The following LIMCH1 variants were observed in gnomAD, a reference collection of about 807,000 sequenced individuals.
LIMCH1 encodes LIM and calponin homology domains-containing protein 1.
A neutral mutation model predicts 176.5 loss-of-function variants in LIMCH1; 113 were observed. The ratio of observed to expected loss-of-function variants is 0.64; its 90% CI spans 0.55 to 0.75. The LOEUF (loss-of-function observed/expected upper bound fraction) is 0.75. Among genes scored for constraint, LIMCH1 ranks in the 30% least tolerant of loss-of-function variants. The pLI, the probability that LIMCH1 is intolerant of heterozygous loss-of-function variation, is 0.00. For missense variants in LIMCH1, 1,674 were observed against 1,814.9 expected (o/e 0.92, Z 1.41); for synonymous variants, 619 against 645.9 (o/e 0.96, Z 0.63).
At chr4:41,585,482 T>G (rs1218133737) in intron 1 of LIMCH1, among the ~76,000 whole-genome samples, 3 of 152,226 alleles carry the variant, frequency 2.0e-5, no homozygotes, top group Non-Finnish European at 4.4e-5. Flanking sequence ...TTCCACATTT[T>G]GGCCATTATA....
intron 26 of LIMCH1, 52 bp downstream of exon 26, chr4:41,682,512 C>A (rs930856358): frequency 6.3e-7 from 1 of 1,581,354 alleles, no homozygotes; most frequent in Non-Finnish European, 8.6e-7. Context: ...GGGCTCTGCT[C>A]GTGCACGCTC....
intron 1 of LIMCH1, chr4:41,551,207 G>A (rs2080366139): frequency 6.6e-6 from 1 of 152,152 alleles, no homozygotes; most frequent in Non-Finnish European, 1.5e-5. Context: ...AATACAGATG[G>A]ACTGTGAGGG....
chr4:41,399,907 C>T (rs1167429859), intron 1 of LIMCH1, among the ~76,000 whole-genome samples: 4 of 143,704 alleles, frequency 2.8e-5, no homozygotes, highest in African/African-American at 1.1e-4. Flanking sequence ...TGGTCTTGAT[C>T]TCCTGACCTC....
At chr4:41,523,384 A>G (rs980089699) in intron 2 of LIMCH1, among the ~76,000 whole-genome samples, 1 of 152,160 alleles carries the variant, frequency 6.6e-6, no homozygotes, top group African/African-American at 2.4e-5. Context: ...ATGAATGAGG[A>G]TGGTTATATT....
intron 2 of LIMCH1, among the ~76,000 whole-genome samples, chr4:41,514,146 T>A (rs1311980841): frequency 1.3e-5 from 2 of 151,946 alleles, no homozygotes; most frequent in Admixed American, 1.3e-4. Context: ...TTTATAATGT[T>A]GCTCATTTCA....
chr4:41,391,555 A>G (rs2057244149), intron 1 of LIMCH1, among the ~76,000 whole-genome samples: 1 of 152,180 alleles, frequency 6.6e-6, no homozygotes, highest in South Asian at 2.1e-4. Flanking sequence ...CCACCTTATC[A>G]AGTATTCAAG....
chr4:41,555,130 C>T (rs985810913), intron 1 of LIMCH1, among the ~76,000 whole-genome samples: 15 of 151,426 alleles, frequency 9.9e-5, no homozygotes, highest in Non-Finnish European at 1.5e-4. Context: ...GAATAGTTAG[C>T]GGATGTGAAA....
chr4:41,402,063 C>T (rs1014907332), intron 1 of LIMCH1, among the ~76,000 whole-genome samples: 2 of 152,158 alleles, frequency 1.3e-5, no homozygotes, highest in African/African-American at 4.8e-5. Flanking sequence ...GAACTTCCAA[C>T]ACTAAGTTGA....
chr4:41,472,625 C>T, intron 1 of LIMCH1, among the ~76,000 whole-genome samples: 1 of 151,914 alleles, frequency 6.6e-6, no homozygotes, highest in East Asian at 1.9e-4. Flanking sequence ...TGCCATGTTG[C>T]CCAGGCTGGT....
intron 1 of LIMCH1, among the ~76,000 whole-genome samples, chr4:41,409,720 G>A (rs1334388511): frequency 6.6e-6 from 1 of 152,136 alleles, no homozygotes; most frequent in Non-Finnish European, 1.5e-5. Context: ...TCATTTGGAA[G>A]TCAACTCTTG....
chr4:41,670,937 A>G, intron 21 of LIMCH1: 1 of 1,387,264 alleles, frequency 7.2e-7, no homozygotes, highest in South Asian at 1.7e-5. Flanking sequence ...TAGTTCTTTT[A>G]TATTACTACC....
chr4:41,360,026 GGTGTGTGTGTGT>G (rs35179191), upstream of LIMCH1, among the ~76,000 whole-genome samples: 1,043 of 145,862 alleles, frequency 7.2e-3, 23 homozygotes, highest in African/African-American at 0.025. The surrounding 1 kb of genome is among the most constrained non-coding windows in gnomAD (Gnocchi z 4.5). Context: ...GGGTGTGTAG[GGTGTGTGTGTGT>G]GTGTGTGTGT....
At position 41,679,644 on chromosome 4, in the gene LIMCH1, A is replaced by G. The variant is rs144855639; in HGVS notation, c.3520-362A>G. 6.9e-4 allele frequency among the ~76,000 whole-genome samples: 105 copies of G among 152,242 alleles called. 1 individual carries two copies. In the East Asian group the frequency reaches 0.017, roughly 24 times the overall value. On this transcript the variant is annotated intron_variant, in intron 23 of 31. Transcript: ENST00000503057. Reference sequence around the variant, plus strand: ...ACTCTCCTCGCAGCAATGCATTTCTATTAGTGGAATGGCAAAACTCATCTC... The same window carrying G: ...ACTCTCCTCGCAGCAATGCATTTCTGTTAGTGGAATGGCAAAACTCATCTC...
chr4:41,511,618 C>T (rs1473121915), intron 2 of LIMCH1, among the ~76,000 whole-genome samples: 3 of 152,162 alleles, frequency 2.0e-5, no homozygotes, highest in African/African-American at 7.2e-5. Flanking sequence ...CTTTGTATGC[C>T]TAATGGTGCT....
intron 9 of LIMCH1, among the ~76,000 whole-genome samples, chr4:41,630,243 G>A (rs935908605): frequency 6.6e-6 from 1 of 152,146 alleles, no homozygotes; most frequent in South Asian, 2.1e-4. Flanking sequence ...TGGGATTACA[G>A]GCATGAGCCA....
chr4:41,566,661 T>C (rs1165047038), intron 1 of LIMCH1, among the ~76,000 whole-genome samples: 1 of 152,198 alleles, frequency 6.6e-6, no homozygotes, highest in Non-Finnish European at 1.5e-5. Context: ...TGTGAAGTGA[T>C]ATGCTAATCA....
chr4:41,435,160 A>G (rs1276816059), intron 1 of LIMCH1, among the ~76,000 whole-genome samples: 5 of 152,212 alleles, frequency 3.3e-5, no homozygotes, highest in African/African-American at 1.2e-4. Flanking sequence ...CAGAAGCAGA[A>G]AAAGAGGAGA....
chr4:41,628,923 G>A (rs958437194), intron 8 of LIMCH1, among the ~76,000 whole-genome samples: 3 of 152,198 alleles, frequency 2.0e-5, no homozygotes, highest in South Asian at 2.1e-4. Context: ...TGAAGCAGAC[G>A]TTGAGTTTAA....
At chr4:41,508,545 G>T (rs772257108) in intron 2 of LIMCH1, among the ~76,000 whole-genome samples, 10 of 152,136 alleles carry the variant, frequency 6.6e-5, no homozygotes, top group Non-Finnish European at 1.5e-5. Flanking sequence ...CGGACATCAG[G>T]GTTAAGCTAT....
Sources: gnomAD v4.1 joint callset for allele counts (sites outside exome capture counted in the v4.1 genomes callset) on GRCh38, gnomAD v4.1.1 for gene constraint, Gnocchi (gnomAD v3.1) non-coding constraint, MANE v1.5 for transcripts, NCBI Gene and HGNC (gene_info 2026-07-23, HGNC 2026-07-21) for gene names.